Variants in QSER1 observed in about 807,000 individuals in gnomAD.
QSER1 encodes the protein glutamine and serine rich 1.
Under a neutral mutation model 158.5 loss-of-function variants are expected in QSER1, and 49 were observed. That is an observed-to-expected ratio of 0.31 (90% CI 0.25 to 0.39). The LOEUF (loss-of-function observed/expected upper bound fraction) is 0.39, where lower values mean the gene tolerates loss of function less well. Ranked by LOEUF, QSER1 falls within the 10% of genes least tolerant of loss-of-function variation. The pLI is 1.00. For synonymous variants in QSER1, 650 were observed against 715.5 expected (o/e 0.91, Z 1.46); for missense variants, 1,754 against 2,010.3 (o/e 0.87, Z 2.44).
intron 4 of QSER1, among the ~76,000 whole-genome samples, chr11:32,952,747 C>CA (rs1046937131): frequency 1.5e-5 from 2 of 129,544 alleles, no homozygotes; most frequent in South Asian, 2.5e-4. Flanking sequence ...TTTAAAATTA[C>CA]TTTTTTTTTT....
At chr11:32,947,678 T>C (rs995795970) in intron 4 of QSER1, among the ~76,000 whole-genome samples, 1 of 151,936 alleles carries the variant, frequency 6.6e-6, no homozygotes, top group African/African-American at 2.4e-5. Context: ...TTAAAACTCC[T>C]CTCTACCCTT....
In QSER1 at chr11:32,934,000, A is replaced by T. The variant is rs1320936699; in HGVS notation, c.2742A>T (p.Gln914His). 11 of 1,613,550 alleles carry T rather than the reference A, an allele frequency of 6.8e-6. No individual in the cohort carries two copies. Among genetic ancestry groups the T allele is most frequent in the Non-Finnish European group, 9.3e-6 (11 of 1,179,882 alleles). The change falls in exon 4 of 13, where the codon CAA becomes CAT. Residue 914 changes from glutamine (Q) to histidine (H), a missense_variant. By Grantham distance (24) the Gln-to-His change is conservative (BLOSUM62 0). This residue lies in a region of QSER1 where 1,707 missense variants were observed against 1,919.6 expected (regional missense o/e 0.89). Transcript: ENST00000650167. Reference sequence around the variant, plus strand: ...GCAATGGTGATCATTCTCAGCAGCAACTCCATCCTCAAAATTCTGAAGTTA... The same window carrying T: ...GCAATGGTGATCATTCTCAGCAGCATCTCCATCCTCAAAATTCTGAAGTTA... ...IQSNGDHSQQ[Q>H]LHPQNSEVMK...
intron 10 of QSER1, among the ~76,000 whole-genome samples, chr11:32,971,930 T>G (rs983982769): frequency 6.6e-6 from 1 of 151,296 alleles, no homozygotes; most frequent in Admixed American, 6.6e-5. Context: ...GGGCGTGGTG[T>G]CAGGCGCCTG....
intron 8 of QSER1, among the ~76,000 whole-genome samples, chr11:32,965,287 T>A (rs907102725): frequency 1.3e-5 from 2 of 150,316 alleles, no homozygotes; most frequent in East Asian, 2.0e-4. Context: ...CTAATTTATA[T>A]TTTTTTTAAT....
At position 32,892,949 on chromosome 11, in the gene QSER1, C is replaced by G. The variant is rs1375803180; in HGVS notation, c.-177C>G. Among the ~76,000 whole-genome samples the G allele has an allele frequency of 4.8e-5, 7 of 146,710 alleles. No homozygotes were observed. The highest frequency in any genetic ancestry group is 7.5e-5 in the Non-Finnish European group (5 of 66,276). ...CCCGCCGCGGCCCGGGTCTTTGCGG[C>G]CCAGACTCGCCAGCGCGCCCTTCTC... On this transcript the variant is annotated 5_prime_UTR_variant, in exon 1 of 13. Transcript: ENST00000650167.
At chr11:32,923,293 T>G (rs1463852742) in intron 1 of QSER1, among the ~76,000 whole-genome samples, 1 of 152,184 alleles carries the variant, frequency 6.6e-6, no homozygotes, top group Non-Finnish European at 1.5e-5. Flanking sequence ...TAGGATGGGT[T>G]CACTGCAGAG....
At chr11:32,902,517 T>C (rs917915649) in intron 1 of QSER1, among the ~76,000 whole-genome samples, 1 of 152,220 alleles carries the variant, frequency 6.6e-6, no homozygotes, top group Admixed American at 6.5e-5. Flanking sequence ...AAATATCATC[T>C]CTTCGCAAAG....
intron 1 of QSER1, among the ~76,000 whole-genome samples, chr11:32,896,192 G>A (rs1851552128): frequency 6.6e-6 from 1 of 152,196 alleles, no homozygotes; most frequent in African/African-American, 2.4e-5. Context: ...GTCATCAAGA[G>A]TCTGCAGATC....
chr11:32,939,100 T>C (rs1216891314), intron 4 of QSER1, among the ~76,000 whole-genome samples: 1 of 152,204 alleles, frequency 6.6e-6, no homozygotes, highest in Admixed American at 6.5e-5. Context: ...CTGTATCAAG[T>C]AATTTACTAT....
Position 32,931,744 on chromosome 11 carries a change from C to G in QSER1, c.486C>G (p.Gly162=). 6.3e-7 allele frequency: 1 copy of G among 1,579,526 alleles called. No individual in the cohort carries two copies. The highest frequency in any genetic ancestry group is 8.6e-7 in the Non-Finnish European group (1 of 1,165,766). The change falls in exon 4 of 13, where the codon GGC becomes GGG. Residue 162 remains glycine, a splice_region_variant and synonymous_variant. Coordinates refer to ENST00000650167, the MANE Select transcript of QSER1 (RefSeq NM_001076786.3). ...PQFRAPSWQT[G]MHSSAATELF... ...AATCTTTGTGCCTTTTCTTCATAGGCATGCATTCCTCAGCAGCAACTGAGC... is the reference window on the plus strand; with the variant it reads ...AATCTTTGTGCCTTTTCTTCATAGGGATGCATTCCTCAGCAGCAACTGAGC...
At chr11:32,944,648 A>G (rs1476434873) in intron 4 of QSER1, among the ~76,000 whole-genome samples, 1 of 141,366 alleles carries the variant, frequency 7.1e-6, no homozygotes, top group Non-Finnish European at 1.5e-5. Context: ...GGAGAGCTTT[A>G]CTTCCAAGTA....
At chr11:32,957,146 T>C (rs1448224828) in intron 7 of QSER1, among the ~76,000 whole-genome samples, 51 of 146,638 alleles carry the variant, frequency 3.5e-4, no homozygotes, top group Non-Finnish European at 6.3e-4. Flanking sequence ...TTTTTTTTTT[T>C]TTTTCTTTTT....
intron 1 of QSER1, among the ~76,000 whole-genome samples, chr11:32,910,670 G>T (rs1851754753): frequency 6.6e-6 from 1 of 152,144 alleles, no homozygotes; most frequent in African/African-American, 2.4e-5. Flanking sequence ...ATGTTGAAAT[G>T]GATACCTTAG....
At chr11:32,921,768 T>G (rs925592761) in intron 1 of QSER1, among the ~76,000 whole-genome samples, 1 of 152,212 alleles carries the variant, frequency 6.6e-6, no homozygotes, top group African/African-American at 2.4e-5. Context: ...CTAACTCAAA[T>G]GTATGTGGAA....
Position 32,928,110 on chromosome 11 carries a change from A to G in QSER1, c.471A>G (p.Pro157=). Reference sequence around the variant, plus strand: ...CTCTCTTACCACAATTCAGGGCTCCATCCTGGCAGACAGGTGATTTTCTGT... The same window carrying G: ...CTCTCTTACCACAATTCAGGGCTCCGTCCTGGCAGACAGGTGATTTTCTGT... The part of the protein sequence containing the change: ...GTTLLPQFRA[P]SWQTGMHSSA... Residue 157 remains proline, a synonymous_variant, in exon 3 of 13, where the codon CCA becomes CCG. Coordinates refer to ENST00000650167, the MANE Select transcript of QSER1 (RefSeq NM_001076786.3). The G allele has an allele frequency of 6.2e-7, 1 of 1,608,780 alleles. No individual in the cohort carries two copies. The highest frequency in any genetic ancestry group is 8.5e-7 in the Non-Finnish European group (1 of 1,175,148).
At chr11:32,944,657 T>G (rs2133567842) in intron 4 of QSER1, among the ~76,000 whole-genome samples, 1 of 139,626 alleles carries the variant, frequency 7.2e-6, no homozygotes, top group Non-Finnish European at 1.6e-5. Context: ...TACTTCCAAG[T>G]ATGTGGTCAA....
At chr11:32,923,819 T>G (rs1308210915) in intron 1 of QSER1, among the ~76,000 whole-genome samples, 1 of 151,628 alleles carries the variant, frequency 6.6e-6, no homozygotes, top group Non-Finnish European at 1.5e-5. Context: ...ATATAAAAAA[T>G]TAGCCGGGTG....
At position 32,931,725 on chromosome 11, in the gene QSER1, T is replaced by C. The variant is rs554751195; in HGVS notation, c.485-18T>C. ...TGTGCCATAATTACATAAAAATCTT[T>C]GTGCCTTTTCTTCATAGGCATGCAT... On this transcript the variant is annotated intron_variant, in intron 3 of 12. Coordinates refer to ENST00000650167, the MANE Select transcript of QSER1 (RefSeq NM_001076786.3). The C allele has an allele frequency of 3.2e-6, 5 of 1,541,154 alleles. No homozygotes were observed. Among genetic ancestry groups the C allele is most frequent in the East Asian group, 4.5e-5 (2 of 44,384 alleles).
chr11:32,948,081 A>G (rs1483912793), intron 4 of QSER1, among the ~76,000 whole-genome samples: 1 of 152,228 alleles, frequency 6.6e-6, no homozygotes, highest in Non-Finnish European at 1.5e-5. Context: ...GGTACAGTGC[A>G]GCCGTTTCTA....
Sources: gnomAD v4.1 joint callset for allele counts (sites outside exome capture counted in the v4.1 genomes callset) on GRCh38, gnomAD v4.1.1 for gene constraint, gnomAD v4.1.1 regional missense constraint, MANE v1.5 for transcripts, NCBI Gene and HGNC (gene_info 2026-07-23, HGNC 2026-07-21) for gene names.